PKN2: variants seen among roughly 807,000 people sequenced by gnomAD.
PKN2 encodes the protein protein kinase N2.
Under a neutral mutation model 119.1 loss-of-function variants are expected in PKN2, and 38 were observed. The observed-to-expected ratio is 0.32, with a 90% CI of 0.25 to 0.42. The LOEUF is 0.42. Among genes scored for constraint, PKN2 ranks in the 10% least tolerant of loss-of-function variants. The pLI, the probability that PKN2 is intolerant of heterozygous loss-of-function variation, is 1.00. For synonymous variants in PKN2, 390 were observed against 384.9 expected (o/e 1.01, Z -0.15); for missense variants, 850 against 1,165.1 (o/e 0.73, Z 3.94).
intron 20 of PKN2, 53 bp downstream of exon 20, chr1:88,832,904 T>C: frequency 7.9e-7 from 1 of 1,258,762 alleles, no homozygotes; most frequent in Non-Finnish European, 1.1e-6. Context: ...TAATTTTTTA[T>C]ACTAAAGAAA....
chr1:88,763,623 A>AG (rs897714702), intron 3 of PKN2, among the ~76,000 whole-genome samples: 31 of 151,626 alleles, frequency 2.0e-4, no homozygotes, highest in East Asian at 3.9e-4. Context: ...AAAAAAAAAA[A>AG]AAAGAAAGTT....
intron 16 of PKN2, chr1:88,816,824 G>A (rs1672015273): frequency 1.3e-5 from 2 of 152,138 alleles, no homozygotes; most frequent in African/African-American, 4.8e-5. Context: ...ACCTTATAGA[G>A]AAGATTAGCA....
intron 16 of PKN2, among the ~76,000 whole-genome samples, chr1:88,819,964 G>A (rs1353412865): frequency 6.6e-6 from 1 of 151,470 alleles, no homozygotes; most frequent in African/African-American, 2.4e-5. Flanking sequence ...GAGAACACCT[G>A]GACACAGGGA....
At chr1:88,762,997 G>C (rs1669508124) in intron 3 of PKN2, among the ~76,000 whole-genome samples, 1 of 152,150 alleles carries the variant, frequency 6.6e-6, no homozygotes, top group Non-Finnish European at 1.5e-5. Flanking sequence ...CTGATAGTAA[G>C]AGTTGTCAAC....
chr1:88,751,534 AGTTT>A (rs1457960549), intron 2 of PKN2, among the ~76,000 whole-genome samples: 6 of 152,096 alleles, frequency 3.9e-5, no homozygotes, highest in Admixed American at 6.6e-5. Flanking sequence ...TAACTTGTAT[AGTTT>A]GTTTGTCAAC....
intron 1 of PKN2, among the ~76,000 whole-genome samples, chr1:88,723,415 C>A (rs902263249): frequency 8.1e-5 from 12 of 147,970 alleles, no homozygotes; most frequent in Non-Finnish European, 3.0e-5. Flanking sequence ...GCCCTGCCCC[C>A]CCCCCTTTTA....
intron 1 of PKN2, among the ~76,000 whole-genome samples, chr1:88,699,905 C>A (rs1050595472): frequency 6.6e-6 from 1 of 152,036 alleles, no homozygotes; most frequent in African/African-American, 2.4e-5. Flanking sequence ...GCCTCAGCTT[C>A]CCGAGTAGCT....
rs1665982490 is a variant in PKN2 at position 88,684,443 on chromosome 1, C to T, written c.-138C>T. 2.7e-6 allele frequency: 2 copies of T among 733,734 alleles called. No individual in the cohort carries two copies. The highest frequency in any genetic ancestry group is 4.3e-6 in the Non-Finnish European group (2 of 470,566). The allele number at this position is 733,734 out of a possible 1,614,324, so 45.5% of individuals were successfully genotyped here. On this transcript the variant is annotated 5_prime_UTR_variant, in exon 1 of 22. Transcript: ENST00000370521. ...GAATAAGCCGCGCCTCCAGCAGGGG[C>T]TGCGCCTCCATGAATCCCTAGTTGT...
intron 4 of PKN2, among the ~76,000 whole-genome samples, chr1:88,770,796 G>A (rs987402077): frequency 6.0e-5 from 9 of 150,746 alleles, no homozygotes; most frequent in South Asian, 4.2e-4. Context: ...CGTTTTAGCC[G>A]GGATGGTCTC....
intron 1 of PKN2, among the ~76,000 whole-genome samples, chr1:88,714,460 A>C (rs1158108943): frequency 1.3e-5 from 2 of 151,948 alleles, no homozygotes; most frequent in Admixed American, 6.6e-5. Context: ...TATTTTGTTG[A>C]GCAGTGGTTT....
chr1:88,827,247 A>T (rs1164035771), intron 18 of PKN2, among the ~76,000 whole-genome samples: 1 of 152,140 alleles, frequency 6.6e-6, no homozygotes, highest in Non-Finnish European at 1.5e-5. Flanking sequence ...TATATTTAAA[A>T]ACTAGTTAGC....
intron 1 of PKN2, among the ~76,000 whole-genome samples, chr1:88,734,301 A>G (rs1052911403): frequency 6.6e-6 from 1 of 151,678 alleles, no homozygotes; most frequent in African/African-American, 2.4e-5. Flanking sequence ...TTTCCCCTAT[A>G]TTTCCTCCAT....
At chr1:88,746,305 G>A (rs1668766982) in intron 2 of PKN2, among the ~76,000 whole-genome samples, 1 of 152,034 alleles carries the variant, frequency 6.6e-6, no homozygotes, top group Non-Finnish European at 1.5e-5. Context: ...CACAGCAAAG[G>A]AAACAATTAG....
At chr1:88,779,422 A>C (rs1670241773) in intron 6 of PKN2, among the ~76,000 whole-genome samples, 1 of 150,786 alleles carries the variant, frequency 6.6e-6, no homozygotes, top group Non-Finnish European at 1.5e-5. Context: ...ATATCTTTTT[A>C]AAAAACAATT....
chr1:88,687,905 A>G (rs1201960332), intron 1 of PKN2, among the ~76,000 whole-genome samples: 1 of 152,208 alleles, frequency 6.6e-6, no homozygotes. Context: ...TATTTGCTAT[A>G]TATCAGACAT....
At chr1:88,703,414 A>G (rs1230437101) in intron 1 of PKN2, among the ~76,000 whole-genome samples, 2 of 152,136 alleles carry the variant, frequency 1.3e-5, no homozygotes, top group Non-Finnish European at 2.9e-5. Flanking sequence ...TATAATCTTA[A>G]GAGATATTGG....
At chr1:88,708,389 A>G (rs1570507202) in intron 1 of PKN2, among the ~76,000 whole-genome samples, 1 of 152,076 alleles carries the variant, frequency 6.6e-6, no homozygotes, top group Non-Finnish European at 1.5e-5. Context: ...TCTTGTGACT[A>G]TTTGTGTTTC....
chr1:88,755,294 A>G (rs1480641422), intron 2 of PKN2, among the ~76,000 whole-genome samples: 3 of 152,190 alleles, frequency 2.0e-5, no homozygotes, highest in African/African-American at 7.2e-5. Context: ...AGAAAATTGG[A>G]GAGAAGAAAA....
At chr1:88,721,722 C>CT (rs1360085806) in intron 1 of PKN2, among the ~76,000 whole-genome samples, 1 of 152,152 alleles carries the variant, frequency 6.6e-6, no homozygotes, top group African/African-American at 2.4e-5. Flanking sequence ...TCTAAAAAGT[C>CT]TTTTTTGCAT....
Sources: allele counts gnomAD v4.1 joint callset (sites outside exome capture counted in the v4.1 genomes callset), GRCh38; gene constraint gnomAD v4.1.1; transcripts MANE v1.5; gene names NCBI Gene and HGNC (gene_info 2026-07-23, HGNC 2026-07-21).